The following KIAA0825 variants were observed in gnomAD, a reference collection of about 807,000 sequenced individuals.
The protein encoded by KIAA0825 is uncharacterized protein KIAA0825.
Under a neutral mutation model 147.6 loss-of-function variants are expected in KIAA0825, and 119 were observed. The observed-to-expected ratio is 0.81, with a 90% CI of 0.69 to 0.94. KIAA0825 has a LOEUF of 0.94. KIAA0825 is among the 40% of genes least tolerant of loss of function. The pLI, the probability that KIAA0825 is intolerant of heterozygous loss-of-function variation, is 0.00. For synonymous variants in KIAA0825, 470 were observed against 518.1 expected, an observed-to-expected ratio of 0.91 and a Z score of 1.26; for missense variants, 1,381 against 1,472.7, an observed-to-expected ratio of 0.94 and a Z score of 1.02.
intron 2 of KIAA0825, among the ~76,000 whole-genome samples, chr5:94,574,786 C>G (rs555505168): frequency 3.3e-5 from 5 of 152,120 alleles, no homozygotes; most frequent in South Asian, 4.1e-4. Flanking sequence ...TACAGTGGTG[C>G]CAGTATAAGC....
Position 94,515,127 on chromosome 5 carries a change from T to A in KIAA0825, c.970+5121A>T, listed in dbSNP as rs181099389. ...TCTTTTCATATTAAAATACAGAGGA[T>A]TTATTTAACCAAAATTTATTATATG... is the stretch of plus-strand genomic sequence containing the variant. On this transcript the variant is annotated intron_variant, in intron 5 of 20. Coordinates refer to ENST00000682413, the MANE Select transcript of KIAA0825 (RefSeq NM_001145678.3). Among the ~76,000 whole-genome samples the A allele has an allele frequency of 3.9e-5, 6 of 152,344 alleles. No homozygotes were observed. In the East Asian group the frequency reaches 1.2e-3, roughly 29 times the overall value.
At chr5:94,367,179 A>G (rs890558769) in intron 20 of KIAA0825, among the ~76,000 whole-genome samples, 1 of 152,182 alleles carries the variant, frequency 6.6e-6, no homozygotes, top group Admixed American at 6.5e-5. Context: ...ATGGGGAGGA[A>G]ATTCTTTGAA....
At chr5:94,268,605 C>G (rs1166885001) in intron 20 of KIAA0825, among the ~76,000 whole-genome samples, 1 of 152,048 alleles carries the variant, frequency 6.6e-6, no homozygotes, top group Non-Finnish European at 1.5e-5. Flanking sequence ...CAGCTGCAGC[C>G]CCAAATCAAA....
chr5:94,364,549 T>A (rs1295495888), intron 20 of KIAA0825, among the ~76,000 whole-genome samples: 1 of 151,744 alleles, frequency 6.6e-6, no homozygotes, highest in East Asian at 2.0e-4. Flanking sequence ...GCCCGGCTAA[T>A]TTTTTTGTAT....
intron 20 of KIAA0825, among the ~76,000 whole-genome samples, chr5:94,229,169 G>A (rs180874551): frequency 2.0e-5 from 3 of 152,272 alleles, no homozygotes; most frequent in African/African-American, 7.2e-5. Flanking sequence ...CCATTATTTT[G>A]CCAATGCAAT....
chr5:94,178,564 A>AT (rs1426000214), intron 20 of KIAA0825, among the ~76,000 whole-genome samples: 1 of 151,796 alleles, frequency 6.6e-6, no homozygotes, highest in African/African-American at 2.4e-5. Flanking sequence ...ACTTTAAATA[A>AT]TTTTTTTCAA....
At chr5:94,370,541 G>T (rs1366975926) in intron 20 of KIAA0825, among the ~76,000 whole-genome samples, 2 of 152,142 alleles carry the variant, frequency 1.3e-5, no homozygotes, top group East Asian at 3.8e-4. Context: ...GGAAGGAGAA[G>T]AGAGATGGTA....
intron 1 of KIAA0825, among the ~76,000 whole-genome samples, chr5:94,596,287 A>G (rs941937327): frequency 6.6e-6 from 1 of 152,174 alleles, no homozygotes; most frequent in African/African-American, 2.4e-5. Context: ...TCCATCTTCA[A>G]ACTTCTGCAT....
At position 94,452,939 on chromosome 5, in the gene KIAA0825, T is replaced by C; in HGVS notation, c.2357+20A>G. 1 of 1,203,336 alleles carries C rather than the reference T, an allele frequency of 8.3e-7. No individual in the cohort carries two copies. Among genetic ancestry groups the C allele is most frequent in the Non-Finnish European group, 1.1e-6 (1 of 875,110 alleles). 74.5% of individuals were successfully genotyped at this position (1,203,336 alleles called of 1,614,324 possible). The stretch of plus-strand genomic sequence containing the variant: ...AGGAATCATAGAATTATAGATAGTA[T>C]GGCATTTAGAGGCTCTCACCTGAGT... On this transcript the variant is annotated intron_variant, in intron 13 of 20. Coordinates refer to ENST00000682413, the MANE Select transcript of KIAA0825 (RefSeq NM_001145678.3).
At chr5:94,439,941 C>T (rs1316978938) in intron 14 of KIAA0825, 41 bp downstream of exon 14, 2 of 1,525,290 alleles carry the variant, frequency 1.3e-6, no homozygotes, top group East Asian at 5.0e-5. Flanking sequence ...CGAGCAATGA[C>T]TAGGTTTTTC....
At chr5:94,501,036 G>A (rs1055989641) in intron 5 of KIAA0825, among the ~76,000 whole-genome samples, 6 of 151,902 alleles carry the variant, frequency 3.9e-5, no homozygotes, top group Admixed American at 2.0e-4. Flanking sequence ...GATTACAGGC[G>A]TGAGCCACTG....
At chr5:94,236,059 C>CTGTT (rs1472854785) in intron 20 of KIAA0825, among the ~76,000 whole-genome samples, 3 of 152,158 alleles carry the variant, frequency 2.0e-5, no homozygotes, top group Non-Finnish European at 4.4e-5. Context: ...TTCTGTAGCC[C>CTGTT]ATGGAACAAG....
intron 20 of KIAA0825, among the ~76,000 whole-genome samples, chr5:94,296,363 A>G (rs909334703): frequency 6.6e-6 from 1 of 152,018 alleles, no homozygotes; most frequent in Non-Finnish European, 1.5e-5. Flanking sequence ...GGGATCCACT[A>G]TAGACCACTT....
intron 2 of KIAA0825, among the ~76,000 whole-genome samples, chr5:94,558,450 C>G (rs1167805765): frequency 6.6e-6 from 1 of 152,178 alleles, no homozygotes; most frequent in Non-Finnish European, 1.5e-5. Flanking sequence ...TTTGCTCTTC[C>G]CTGATTACAC....
At chr5:94,281,361 C>G (rs1777458441) in intron 20 of KIAA0825, among the ~76,000 whole-genome samples, 1 of 152,072 alleles carries the variant, frequency 6.6e-6, no homozygotes, top group Non-Finnish European at 1.5e-5. Flanking sequence ...TTGTCTCCCC[C>G]TTTCAACTAC....
chr5:94,554,715 ACTATATATATATATATATAT>A (rs1404501430), intron 2 of KIAA0825, among the ~76,000 whole-genome samples: 12 of 75,352 alleles, frequency 1.6e-4, no homozygotes, highest in Non-Finnish European at 3.0e-4. Flanking sequence ...TGTTCTGTGT[ACTATATATATATATATATAT>A]ATATATATAT....
intron 20 of KIAA0825, among the ~76,000 whole-genome samples, chr5:94,351,353 A>C (rs1371998704): frequency 4.0e-5 from 6 of 151,598 alleles, no homozygotes; most frequent in East Asian, 3.9e-4. Flanking sequence ...ACAACAACAA[A>C]AAACACCACT....
At chr5:94,198,952 C>T (rs1771400626) in intron 20 of KIAA0825, among the ~76,000 whole-genome samples, 1 of 152,152 alleles carries the variant, frequency 6.6e-6, no homozygotes, top group Admixed American at 6.5e-5. Context: ...ACTTTTGGAT[C>T]ATTTTACTCT....
At chr5:94,332,987 CT>C (rs1350235132) in intron 20 of KIAA0825, among the ~76,000 whole-genome samples, 2 of 152,140 alleles carry the variant, frequency 1.3e-5, no homozygotes, top group Non-Finnish European at 2.9e-5. Context: ...TGATGATGAG[CT>C]TTTTTTCATA....
Sources: gnomAD v4.1 joint callset for allele counts (sites outside exome capture counted in the v4.1 genomes callset) on GRCh38, gnomAD v4.1.1 for gene constraint, MANE v1.5 for transcripts, NCBI Gene and HGNC (gene_info 2026-07-23, HGNC 2026-07-21) for gene names.